GPSM2: variants seen among roughly 807,000 people sequenced by gnomAD.
GPSM2 encodes the protein G protein-signaling modulator 2.
A neutral mutation model predicts 78.4 loss-of-function variants in GPSM2; 58 were observed. The observed-to-expected ratio is 0.74, with a 90% CI of 0.60 to 0.92. The LOEUF is 0.92. Among genes scored for constraint, GPSM2 ranks in the 40% least tolerant of loss-of-function variants. The pLI is 0.00. For synonymous variants in GPSM2, 224 were observed against 280.2 expected, an observed-to-expected ratio of 0.80 and a Z score of 2.00; for missense variants, 700 against 815.5, an observed-to-expected ratio of 0.86 and a Z score of 1.73.
intron 7 of GPSM2, among the ~76,000 whole-genome samples, chr1:108,900,320 A>G (rs1396193095): frequency 6.6e-6 from 1 of 150,834 alleles, no homozygotes; most frequent in African/African-American, 2.4e-5. Context: ...GTGCACTGCA[A>G]CCTCGGCCTC....
chr1:108,911,293 C>T (rs1400507541), intron 10 of GPSM2, among the ~76,000 whole-genome samples: 1 of 151,948 alleles, frequency 6.6e-6, no homozygotes, highest in Non-Finnish European at 1.5e-5. Context: ...TTTGGGATGC[C>T]GAGGCTGGTG....
intron 7 of GPSM2, among the ~76,000 whole-genome samples, chr1:108,901,337 A>C (rs1468272655): frequency 6.6e-6 from 1 of 152,228 alleles, no homozygotes; most frequent in African/African-American, 2.4e-5. Context: ...AATTTTACCT[A>C]AGTGGTGACT....
chr1:108,903,525 G>T (rs1426739511), intron 9 of GPSM2, among the ~76,000 whole-genome samples: 6 of 152,020 alleles, frequency 3.9e-5, no homozygotes, highest in Non-Finnish European at 8.8e-5. Flanking sequence ...GAAGTAGCAT[G>T]GTATTGAAGG....
At chr1:108,915,513 A>G (rs964537674) in intron 11 of GPSM2, among the ~76,000 whole-genome samples, 2 of 147,862 alleles carry the variant, frequency 1.4e-5, no homozygotes, top group Admixed American at 6.8e-5. Context: ...TGCACCCTCC[A>G]CCTCCCAGGT....
At chr1:108,896,770 A>C in intron 2 of GPSM2, 94 bp from the exon 3 acceptor site, 1 of 965,430 alleles carries the variant, frequency 1.0e-6, no homozygotes, top group South Asian at 1.3e-5. Flanking sequence ...GCCCTGAACA[A>C]GAGTAGCCGC....
chr1:108,914,300 C>T (rs764224392), intron 10 of GPSM2, 38 bp from the exon 11 acceptor site: 2 of 1,369,216 alleles, frequency 1.5e-6, no homozygotes, highest in South Asian at 2.3e-5. Flanking sequence ...CTCTTAAGGG[C>T]TCCCTGGTTT....
chr1:108,915,093 C>T (rs998435239), intron 11 of GPSM2, among the ~76,000 whole-genome samples: 2 of 152,076 alleles, frequency 1.3e-5, no homozygotes, highest in African/African-American at 4.8e-5. Flanking sequence ...AGGCTCTCGG[C>T]CGGGCACGGT....
At chr1:108,922,627 T>C in intron 13 of GPSM2, 51 bp downstream of exon 13, 2 of 1,399,870 alleles carry the variant, frequency 1.4e-6, no homozygotes, top group South Asian at 2.3e-5. Context: ...TTTGATATTC[T>C]TGTGGCTTAT....
intron 11 of GPSM2, among the ~76,000 whole-genome samples, chr1:108,915,029 A>G (rs894662156): frequency 1.3e-5 from 2 of 152,198 alleles, no homozygotes; most frequent in Non-Finnish European, 2.9e-5. Flanking sequence ...TGAAGAAAAC[A>G]TCAAGGCTAC....
At chr1:108,928,331 C>T (rs1441443765) in intron 14 of GPSM2, among the ~76,000 whole-genome samples, 3 of 152,202 alleles carry the variant, frequency 2.0e-5, no homozygotes, top group Non-Finnish European at 2.9e-5. Flanking sequence ...TGAGGACATT[C>T]AATCAGAGGA....
intron 2 of GPSM2, among the ~76,000 whole-genome samples, chr1:108,894,309 AT>A (rs1355567410): frequency 6.6e-6 from 1 of 152,232 alleles, no homozygotes; most frequent in Non-Finnish European, 1.5e-5. Context: ...CTTACTATGT[AT>A]TTTAGATCTT....
rs1652116629 is a variant in GPSM2, at chr1:108,932,243, C to T, written c.*2303C>T. 6.6e-6 allele frequency: 1 copy of T among 152,162 alleles called. No individual in the cohort carries two copies. Among genetic ancestry groups the T allele is most frequent in the Non-Finnish European group, 1.5e-5 (1 of 68,050 alleles). 9.4% of individuals were successfully genotyped at this position (152,162 alleles called of 1,614,324 possible). On this transcript the variant is annotated 3_prime_UTR_variant, in exon 15 of 15. Transcript: ENST00000264126. ...GAGCCGAGATTGTACCACCTCACTC[C>T]AGCCTGGGTGACAGAGCAAAACTCT...
At chr1:108,912,028 G>A (rs1363919196) in intron 10 of GPSM2, among the ~76,000 whole-genome samples, 4 of 151,620 alleles carry the variant, frequency 2.6e-5, no homozygotes, top group East Asian at 1.9e-4. Context: ...GGCTAGTCTC[G>A]AACTTATGAG....
chr1:108,911,563 A>C (rs1649744245), intron 10 of GPSM2, among the ~76,000 whole-genome samples: 1 of 152,064 alleles, frequency 6.6e-6, no homozygotes, highest in Admixed American at 6.5e-5. Flanking sequence ...ACAAAAACCA[A>C]AGTAAATGAA....
chr1:108,905,670 C>T (rs1570917402), intron 10 of GPSM2, among the ~76,000 whole-genome samples: 2 of 152,088 alleles, frequency 1.3e-5, no homozygotes, highest in Non-Finnish European at 1.5e-5. Context: ...CCTTCTTTCC[C>T]TCCCTATTTT....
At chr1:108,892,631 TC>T (rs950996580) in intron 2 of GPSM2, among the ~76,000 whole-genome samples, 27 of 152,170 alleles carry the variant, frequency 1.8e-4, no homozygotes, top group African/African-American at 6.3e-4. Context: ...TGGTTTTTCT[TC>T]TACATGTGGG....
chr1:108,918,631 G>A lies in GPSM2; in HGVS notation c.1282G>A (p.Glu428Lys), dbSNP rs1208657681. The A allele has an allele frequency of 5.0e-6, 8 of 1,613,448 alleles. No homozygotes were observed. Among genetic ancestry groups the A allele is most frequent in the Non-Finnish European group, 6.8e-6 (8 of 1,179,454 alleles). ...TPEKVQNWNS[E>K]ILAKQKPLIA... is the part of the protein sequence containing the mutation. ...TTTGTAGGTACAGAACTGGAACAGT[G>A]AAATTCTTGCTAAGCAAAAACCTCT... The change falls in exon 12 of 15, where the codon GAA becomes AAA. Residue 428 changes from glutamate (E) to lysine (K), a missense_variant. Glu to Lys is a moderately conservative substitution (Grantham distance 56, BLOSUM62 1). Transcript: ENST00000264126.
At position 108,931,019 on chromosome 1, in the gene GPSM2, TC is replaced by T. The variant is rs201514989; in HGVS notation, c.*1081del. The T allele has an allele frequency of 0.059, 12,215 of 207,880 alleles. 429 individuals are homozygous for T. Among genetic ancestry groups the T allele is most frequent in the Non-Finnish European group, 0.063 (6,482 of 102,762 alleles). The allele number at this position is 207,880 out of a possible 1,614,324, so 12.9% of individuals were successfully genotyped here. ...CTGAGCTATGATCGTGCCACTGCAC[TC>T]CAGCCTGGGTGACAGAGCAAGACCC... On this transcript the variant is annotated 3_prime_UTR_variant, in exon 15 of 15. Coordinates refer to ENST00000264126, the MANE Select transcript of GPSM2 (RefSeq NM_013296.5).
intron 1 of GPSM2, among the ~76,000 whole-genome samples, chr1:108,881,354 A>G (rs67312582): frequency 0.092 from 13,978 of 152,204 alleles, 693 homozygotes; most frequent in Non-Finnish European, 0.1. Context: ...TATCCTTTCA[A>G]ACCTACAAAT....
Sources: allele counts gnomAD v4.1 joint callset (sites outside exome capture counted in the v4.1 genomes callset), GRCh38; gene constraint gnomAD v4.1.1; transcripts MANE v1.5; gene names NCBI Gene and HGNC (gene_info 2026-07-23, HGNC 2026-07-21).